The following VPS13B variants were observed in gnomAD, a reference collection of about 807,000 sequenced individuals.
VPS13B encodes the protein vacuolar protein sorting 13 homolog B.
A neutral mutation model predicts 426.4 loss-of-function variants in VPS13B; 285 were observed. That is an observed-to-expected ratio of 0.67 (90% CI 0.61 to 0.74). VPS13B has a LOEUF of 0.74. Ranked by LOEUF, VPS13B falls within the 30% of genes least tolerant of loss-of-function variation. VPS13B has a pLI of 0.00. For synonymous variants in VPS13B, 1,676 were observed against 1,676.4 expected, an observed-to-expected ratio of 1.00 and a Z score of 0.01; for missense variants, 4,537 against 4,782.6, an observed-to-expected ratio of 0.95 and a Z score of 1.51.
Position 99,075,862 on chromosome 8 carries a change from CTCTAG to C in VPS13B, c.292-20448_292-20444del, listed in dbSNP as rs1221068613. On this transcript the variant is annotated intron_variant, in intron 3 of 61. Transcript: ENST00000357162. ...TCATTGATCATGTATATTGTTTAGT[CTCTAG>C]TTATTTCTGCTCTGATCTTTATTGT... is the stretch of plus-strand genomic sequence containing the variant. Among the ~76,000 whole-genome samples the C allele has an allele frequency of 2.6e-5, 4 of 152,180 alleles. No homozygotes were observed. The East Asian group carries it at 7.7e-4, about 29-fold the overall frequency.
chr8:99,453,679 A>G (rs1208402439), intron 23 of VPS13B, among the ~76,000 whole-genome samples: 4 of 152,186 alleles, frequency 2.6e-5, no homozygotes, highest in Non-Finnish European at 5.9e-5. Context: ...CCAAACCAAT[A>G]TGGCAGCCCT....
chr8:99,497,859 T>C (rs1443297465), intron 25 of VPS13B, among the ~76,000 whole-genome samples: 6 of 152,178 alleles, frequency 3.9e-5, no homozygotes, highest in Non-Finnish European at 8.8e-5. Context: ...AAAATACTTA[T>C]GTCATTTCAT....
intron 33 of VPS13B, among the ~76,000 whole-genome samples, chr8:99,605,120 C>G (rs1265970600): frequency 6.6e-6 from 1 of 152,152 alleles, no homozygotes; most frequent in Non-Finnish European, 1.5e-5. Context: ...TGGCCTTCAC[C>G]TCCCTTACTA....
chr8:99,640,103 AAAGAAAAG>A (rs1227707917), intron 33 of VPS13B, among the ~76,000 whole-genome samples: 44 of 150,206 alleles, frequency 2.9e-4, no homozygotes, highest in Admixed American at 2.5e-3. Flanking sequence ...AAAGAAAAGA[AAAGAAAAG>A]AAGAAGAAGC....
chr8:99,536,301 A>G (rs1017034983), intron 30 of VPS13B, among the ~76,000 whole-genome samples: 3 of 152,192 alleles, frequency 2.0e-5, no homozygotes, highest in South Asian at 2.1e-4. Flanking sequence ...TTAAACTTTA[A>G]TATCAAATAA....
At chr8:99,602,539 C>G (rs987508283) in intron 33 of VPS13B, among the ~76,000 whole-genome samples, 1 of 152,078 alleles carries the variant, frequency 6.6e-6, no homozygotes, top group African/African-American at 2.4e-5. Flanking sequence ...CCAGGGCAAT[C>G]AGGCAAGAGA....
At chr8:99,486,810 T>G (rs1820332457) in intron 25 of VPS13B, among the ~76,000 whole-genome samples, 1 of 152,220 alleles carries the variant, frequency 6.6e-6, no homozygotes, top group Non-Finnish European at 1.5e-5. Flanking sequence ...CCTGACTTTG[T>G]GTTTCCTCTT....
At chr8:99,714,938 T>A (rs904449498) in intron 36 of VPS13B, among the ~76,000 whole-genome samples, 9 of 152,176 alleles carry the variant, frequency 5.9e-5, no homozygotes, top group African/African-American at 2.2e-4. Flanking sequence ...TTTAAAAAGA[T>A]GTGTAGATTA....
chr8:99,785,585 T>C (rs1200468737), intron 43 of VPS13B, among the ~76,000 whole-genome samples: 1 of 152,192 alleles, frequency 6.6e-6, no homozygotes, highest in East Asian at 1.9e-4. Context: ...GTAAATCACA[T>C]ACCCTTGTTT....
At chr8:99,850,904 C>T (rs1304079206) in intron 55 of VPS13B, among the ~76,000 whole-genome samples, 7 of 151,996 alleles carry the variant, frequency 4.6e-5, no homozygotes, top group East Asian at 3.9e-4. Flanking sequence ...CCAGCCTGGG[C>T]GACAGAGCGA....
chr8:99,438,278 T>G (rs1000872911), intron 22 of VPS13B, among the ~76,000 whole-genome samples: 1 of 152,124 alleles, frequency 6.6e-6, no homozygotes, highest in Non-Finnish European at 1.5e-5. Flanking sequence ...TTCTAGGAAG[T>G]TAAATCTAGA....
intron 30 of VPS13B, among the ~76,000 whole-genome samples, chr8:99,554,706 A>G (rs1824461956): frequency 6.6e-6 from 1 of 152,116 alleles, no homozygotes; most frequent in Non-Finnish European, 1.5e-5. Flanking sequence ...GCTTCATAAA[A>G]ACAGAGTTAG....
chr8:99,642,818 G>A (rs897543765), intron 34 of VPS13B, among the ~76,000 whole-genome samples: 2 of 152,212 alleles, frequency 1.3e-5, no homozygotes, highest in East Asian at 3.9e-4. Context: ...TCATATTAAT[G>A]GCCCATAGGT....
At chr8:99,700,925 T>G (rs1832250725) in intron 36 of VPS13B, among the ~76,000 whole-genome samples, 1 of 152,092 alleles carries the variant, frequency 6.6e-6, no homozygotes, top group Non-Finnish European at 1.5e-5. Flanking sequence ...AATTGGGGAT[T>G]GGGGATAGTG....
At chr8:99,484,817 T>A (rs1203730123) in intron 25 of VPS13B, among the ~76,000 whole-genome samples, 2 of 149,934 alleles carry the variant, frequency 1.3e-5, no homozygotes, top group African/African-American at 4.9e-5. Context: ...ATCATAACCA[T>A]CTGGGTGACA....
At chr8:99,149,375 T>A (rs1204000319) in intron 14 of VPS13B, among the ~76,000 whole-genome samples, 1 of 152,222 alleles carries the variant, frequency 6.6e-6, no homozygotes, top group Admixed American at 6.5e-5. Context: ...TAGAGAGCAG[T>A]GGTGAAATCT....
chr8:99,035,254 G>C (rs971480862), intron 2 of VPS13B, among the ~76,000 whole-genome samples: 2 of 152,086 alleles, frequency 1.3e-5, no homozygotes, highest in African/African-American at 4.8e-5. Context: ...GCACATCCTT[G>C]TGTAGCAGAT....
At chr8:99,035,303 A>G (rs977088192) in intron 2 of VPS13B, among the ~76,000 whole-genome samples, 4 of 152,180 alleles carry the variant, frequency 2.6e-5, no homozygotes, top group Non-Finnish European at 5.9e-5. Flanking sequence ...GAAACTCTCT[A>G]TCTATTGAAC....
chr8:99,107,692 G>A (rs140672983), intron 5 of VPS13B, among the ~76,000 whole-genome samples: 66 of 152,126 alleles, frequency 4.3e-4, no homozygotes, highest in African/African-American at 1.0e-3. Context: ...TCCTTGTTAC[G>A]TGTTTGAATT....
Sources: allele counts gnomAD v4.1 joint callset (sites outside exome capture counted in the v4.1 genomes callset), GRCh38; gene constraint gnomAD v4.1.1; transcripts MANE v1.5; gene names NCBI Gene and HGNC (gene_info 2026-07-23, HGNC 2026-07-21).